The following DPH6 variants were observed in gnomAD, a reference collection of about 807,000 sequenced individuals.
DPH6 encodes the protein diphthamine biosynthesis 6.
A neutral mutation model predicts 38.2 loss-of-function variants in DPH6; 33 were observed. The observed-to-expected ratio is 0.86, with a 90% CI of 0.65 to 1.15. The LOEUF (loss-of-function observed/expected upper bound fraction) is 1.15, where lower values mean the gene tolerates loss of function less well. Among genes scored for constraint, DPH6 ranks in the 50% most tolerant of loss-of-function variants. DPH6 has a pLI of 0.00. For missense variants in DPH6, 325 were observed against 320.0 expected, an observed-to-expected ratio of 1.02 and a Z score of -0.12; for synonymous variants, 108 against 103.0, an observed-to-expected ratio of 1.05 and a Z score of -0.30.
the DPH6 span, among the ~76,000 whole-genome samples, chr15:35,199,456 T>C: frequency 5.6e-3 from 857 of 152,262 alleles, 6 homozygotes; most frequent in African/African-American, 0.019. Flanking sequence ...TGCCATTCAT[T>C]GAGCAAAAAA....
chr15:35,273,679 C>T (rs111843344), intron 3 of DPH6, among the ~76,000 whole-genome samples: 5,468 of 152,172 alleles, frequency 0.036, 296 homozygotes, highest in African/African-American at 0.12. Flanking sequence ...ATGAAATACC[C>T]AGGAATACAA....
chr15:35,457,502 T>C (rs990899048), intron 3 of DPH6, among the ~76,000 whole-genome samples: 1 of 152,150 alleles, frequency 6.6e-6, no homozygotes, highest in Non-Finnish European at 1.5e-5. Context: ...TTTGCCATGT[T>C]GCCCAGGCTG....
At chr15:35,341,549 T>C (rs2052421632) in intron 3 of DPH6, among the ~76,000 whole-genome samples, 1 of 152,178 alleles carries the variant, frequency 6.6e-6, no homozygotes, top group Non-Finnish European at 1.5e-5. Flanking sequence ...AATGGTGTTT[T>C]TATTGGGTCT....
intron 5 of DPH6, 34 bp from the exon 6 acceptor site, chr15:35,410,930 T>C: frequency 6.3e-7 from 1 of 1,582,966 alleles, no homozygotes; most frequent in African/African-American, 1.4e-5. Flanking sequence ...TAAAGATAAC[T>C]ATCAGATAGG....
At chr15:35,504,909 T>C (rs1595425648) in intron 3 of DPH6, among the ~76,000 whole-genome samples, 1 of 151,874 alleles carries the variant, frequency 6.6e-6, no homozygotes, top group South Asian at 2.1e-4. Context: ...TAAAAAAAGG[T>C]CCGAAATATT....
intron 3 of DPH6, chr15:35,237,311 C>T (rs531405201): frequency 1.9e-6 from 3 of 1,581,678 alleles, no homozygotes; most frequent in East Asian, 2.2e-5. Context: ...GGAGCCTCTG[C>T]AGAGAACGCG....
chr15:35,409,039 T>A (rs758295667), intron 6 of DPH6, among the ~76,000 whole-genome samples: 11 of 151,340 alleles, frequency 7.3e-5, no homozygotes, highest in Non-Finnish European at 1.5e-4. Context: ...GTCGAGGGGG[T>A]GGGTTGACTG....
intron 3 of DPH6, among the ~76,000 whole-genome samples, chr15:35,316,460 A>C (rs2052189582): frequency 6.6e-6 from 1 of 152,244 alleles, no homozygotes; most frequent in Admixed American, 6.5e-5. Flanking sequence ...AACTTAAAAA[A>C]ATGTAATCAC....
the DPH6 span, among the ~76,000 whole-genome samples, chr15:35,185,491 A>G: frequency 0.11 from 16,702 of 152,178 alleles, 1,330 homozygotes; most frequent in East Asian, 0.3. Flanking sequence ...TATGACATTA[A>G]GTGACAGAAC....
chr15:35,389,144 A>G (rs2053015796), intron 6 of DPH6, among the ~76,000 whole-genome samples: 1 of 152,136 alleles, frequency 6.6e-6, no homozygotes, highest in African/African-American at 2.4e-5. Context: ...CATGTAGTTG[A>G]GCGGTTTTGA....
At chr15:35,298,844 A>C in intron 3 of DPH6, 1 of 1,052,042 alleles carries the variant, frequency 9.5e-7, no homozygotes, top group Non-Finnish European at 1.5e-6. Context: ...GTTTTGGAAG[A>C]CTGTGATCGA....
chr15:35,226,237 T>C (rs184672766), intron 3 of DPH6, among the ~76,000 whole-genome samples: 57 of 152,342 alleles, frequency 3.7e-4, no homozygotes, highest in Non-Finnish European at 6.8e-4. Context: ...GGAACAGGCA[T>C]ATTAGTGTAG....
the DPH6 span, among the ~76,000 whole-genome samples, chr15:35,189,794 T>G: frequency 6.6e-6 from 1 of 152,176 alleles, no homozygotes; most frequent in African/African-American, 2.4e-5. Context: ...AAGGGGCGGA[T>G]GGTTGAGACT....
At chr15:35,398,271 T>G (rs2053172092) in intron 6 of DPH6, among the ~76,000 whole-genome samples, 3 of 152,132 alleles carry the variant, frequency 2.0e-5, no homozygotes, top group Admixed American at 1.3e-4. Context: ...AGGTGACCCT[T>G]GGTGGGCTCC....
At chr15:35,353,346 T>C (rs1483307496) in intron 3 of DPH6, among the ~76,000 whole-genome samples, 1 of 152,224 alleles carries the variant, frequency 6.6e-6, no homozygotes, top group East Asian at 1.9e-4. Context: ...AGACATGAAG[T>C]CCTTGCCCAT....
At chr15:35,434,375 A>G in intron 5 of DPH6, among the ~76,000 whole-genome samples, 1 of 152,364 alleles carries the variant, frequency 6.6e-6, no homozygotes, top group Non-Finnish European at 1.5e-5. Context: ...CTGCCAAAAC[A>G]ACAGAGGGCA....
At chr15:35,484,406 G>A (rs1428392223) in intron 3 of DPH6, among the ~76,000 whole-genome samples, 2 of 152,230 alleles carry the variant, frequency 1.3e-5, no homozygotes, top group African/African-American at 4.8e-5. Flanking sequence ...TTGCAGTCAT[G>A]CTGTCAGCCA....
At chr15:35,481,600 G>A (rs1180225541) in intron 3 of DPH6, among the ~76,000 whole-genome samples, 1 of 152,082 alleles carries the variant, frequency 6.6e-6, no homozygotes, top group Non-Finnish European at 1.5e-5. Flanking sequence ...TGATTATGGT[G>A]TAATTATTAT....
chr15:35,480,429 C>T (rs2054313280), intron 3 of DPH6, among the ~76,000 whole-genome samples: 1 of 151,972 alleles, frequency 6.6e-6, no homozygotes, highest in Non-Finnish European at 1.5e-5. Context: ...ATTTAATAAA[C>T]TAATGTTAGC....
Sources: gnomAD v4.1 joint callset for allele counts (sites outside exome capture counted in the v4.1 genomes callset) on GRCh38, gnomAD v4.1.1 for gene constraint, MANE v1.5 for transcripts, NCBI Gene and HGNC (gene_info 2026-07-23, HGNC 2026-07-21) for gene names.